Variants in SLC5A11 observed in about 807,000 individuals in gnomAD.
The protein encoded by SLC5A11 is solute carrier family 5 member 11, also known as sodium/myo-inositol cotransporter 2.
SLC5A11 carries 48 observed loss-of-function variants against 69.8 expected under a neutral mutation model. That is an observed-to-expected ratio of 0.69 (90% CI 0.55 to 0.87). The LOEUF (loss-of-function observed/expected upper bound fraction) is 0.87, where lower values mean the gene tolerates loss of function less well. Ranked by LOEUF, SLC5A11 falls within the 40% of genes least tolerant of loss-of-function variation. The pLI, the probability that SLC5A11 is intolerant of heterozygous loss-of-function variation, is 0.00. For synonymous variants in SLC5A11, 319 were observed against 342.4 expected (o/e 0.93, Z 0.75); for missense variants, 784 against 866.1 (o/e 0.91, Z 1.19).
chr16:24,872,075 G>A, intron 4 of SLC5A11, 85 bp from the exon 6 acceptor site: 1 of 1,500,776 alleles, frequency 6.7e-7, no homozygotes, highest in Non-Finnish European at 9.3e-7. Context: ...GTTCAGGCCA[G>A]GCTGCCTCAG....
At chr16:24,895,480 C>T (rs747386734) in intron 9 of SLC5A11, among the ~76,000 whole-genome samples, 1 of 150,252 alleles carries the variant, frequency 6.7e-6, no homozygotes, top group African/African-American at 2.5e-5. Flanking sequence ...CAAAGCAAGA[C>T]TCCATCTCAA....
exon 3 of SLC5A11, chr16:24,862,633 A>G (rs1597025929): frequency 6.2e-7 from 1 of 1,613,714 alleles, no homozygotes; most frequent in Non-Finnish European, 8.5e-7. Flanking sequence ...ACACAGTGAA[A>G]GGCTACTTCC....
At chr16:24,851,386 C>T (rs1394034867) in intron 1 of SLC5A11, among the ~76,000 whole-genome samples, 2 of 151,810 alleles carry the variant, frequency 1.3e-5, no homozygotes, top group South Asian at 2.1e-4. Context: ...ATTAGCCGGA[C>T]GTGGTTGCAA....
intron 1 of SLC5A11, among the ~76,000 whole-genome samples, chr16:24,856,366 G>A (rs2059529362): frequency 6.6e-6 from 1 of 152,056 alleles, no homozygotes; most frequent in East Asian, 1.9e-4. Flanking sequence ...GGCTGGGCTG[G>A]TAATCCCAGC....
intron 3 of SLC5A11, among the ~76,000 whole-genome samples, chr16:24,863,094 ATATATAT>A (rs1389574435): frequency 9.4e-6 from 1 of 106,742 alleles, no homozygotes; most frequent in Non-Finnish European, 2.4e-5. Flanking sequence ...TATATAATAG[ATATATAT>A]TATATATAAT....
chr16:24,877,055 C>G lies in SLC5A11; in HGVS notation c.478-203C>G, dbSNP rs1209922218. 2.9e-6 allele frequency: 4 copies of G among 1,403,244 alleles called. No homozygotes were observed. The African/African-American group carries it at 5.8e-5, about 20-fold the overall frequency. The allele number at this position is 1,403,244 out of a possible 1,614,324, so 86.9% of individuals were successfully genotyped here. A position where few individuals can be genotyped will look rare whatever the true frequency, so the allele number is the denominator to read the frequency against. On this transcript the variant is annotated intron_variant, in intron 6 of 15. Coordinates refer to ENST00000347898, the Ensembl canonical transcript of SLC5A11. ...AGAAGCAGGAAGACCATTGAGGAGG[C>G]TGCTGCATCAGCCCAGGGCCCACAG...
rs370898635 is a variant in SLC5A11 at position 24,911,327 on chromosome 16, G to A, written c.1823-1G>A. 57 of 1,613,734 alleles carry A rather than the reference G, an allele frequency of 3.5e-5. No homozygotes were observed. Among genetic ancestry groups the A allele is most frequent in the Non-Finnish European group, 4.5e-5 (53 of 1,180,036 alleles). On this transcript the variant is annotated splice_acceptor_variant, in intron 15 of 15. Coordinates refer to ENST00000347898, the Ensembl canonical transcript of SLC5A11. LOFTEE classifies it high-confidence loss of function. ...GTCTTCCTTTGCTGGGTTCTTTCTAGGTGACATGACCCCAAAGCAGTCCAA... is the reference window on the plus strand; with the variant it reads ...GTCTTCCTTTGCTGGGTTCTTTCTAAGTGACATGACCCCAAAGCAGTCCAA...
intron 12 of SLC5A11, among the ~76,000 whole-genome samples, chr16:24,907,391 G>A (rs2050149056): frequency 6.6e-6 from 1 of 152,158 alleles, no homozygotes; most frequent in Admixed American, 6.5e-5. Context: ...TGCCTTCATG[G>A]AGCCAGGGAA....
chr16:24,881,232 G>A (rs1355463929), intron 7 of SLC5A11, among the ~76,000 whole-genome samples: 4 of 151,802 alleles, frequency 2.6e-5, no homozygotes, highest in Non-Finnish European at 5.9e-5. Context: ...GTTCTGACTG[G>A]TGTGAGATGA....
chr16:24,873,424 A>T (rs1004936857), intron 5 of SLC5A11, among the ~76,000 whole-genome samples: 1 of 152,096 alleles, frequency 6.6e-6, no homozygotes, highest in African/African-American at 2.4e-5. Flanking sequence ...TGAAGCCAGG[A>T]GTTTGAGACC....
At chr16:24,872,070 G>A in intron 4 of SLC5A11, 90 bp from the exon 6 acceptor site, 1 of 1,480,480 alleles carries the variant, frequency 6.8e-7, no homozygotes, top group Non-Finnish European at 9.4e-7. Flanking sequence ...GTGGAGTTCA[G>A]GCCAGGCTGC....
At chr16:24,856,383 G>C (rs2059530161) in intron 1 of SLC5A11, among the ~76,000 whole-genome samples, 2 of 152,160 alleles carry the variant, frequency 1.3e-5, no homozygotes, top group South Asian at 4.1e-4. Context: ...CAGCACTTTG[G>C]GAGGCCAAGG....
At chr16:24,850,843 C>T (rs372478680) in intron 1 of SLC5A11, among the ~76,000 whole-genome samples, 1 of 151,748 alleles carries the variant, frequency 6.6e-6, no homozygotes, top group Non-Finnish European at 1.5e-5. Flanking sequence ...CAGAGTCTTG[C>T]TCTGTCACCC....
chr16:24,876,894 A>C (rs1007152322), intron 6 of SLC5A11: 2 of 166,534 alleles, frequency 1.2e-5, no homozygotes, highest in African/African-American at 4.8e-5. Context: ...ATTTAGCCTC[A>C]TTTATTTAGC....
At chr16:24,876,960 G>T in intron 6 of SLC5A11, 1 of 598,388 alleles carries the variant, frequency 1.7e-6, no homozygotes, top group East Asian at 6.0e-5. Flanking sequence ...GGAGGAGAAG[G>T]GTGATGTGAT....
At chr16:24,861,823 AATT>A (rs111971320) in intron 2 of SLC5A11, among the ~76,000 whole-genome samples, 11,219 of 151,678 alleles carry the variant, frequency 0.074, 840 homozygotes, top group East Asian at 0.26. Flanking sequence ...AGAAAGAAAA[AATT>A]AATCACCAAT....
chr16:24,881,947 T>A (rs2048074985), intron 7 of SLC5A11, among the ~76,000 whole-genome samples: 1 of 152,158 alleles, frequency 6.6e-6, no homozygotes, highest in Admixed American at 6.5e-5. Context: ...TATTGGATGC[T>A]CTAAACAGAA....
chr16:24,855,842 C>T (rs1214975138), intron 1 of SLC5A11, among the ~76,000 whole-genome samples: 1 of 152,158 alleles, frequency 6.6e-6, no homozygotes, highest in African/African-American at 2.4e-5. Context: ...TTCTCCAGAA[C>T]TGTGAGCAAT....
At chr16:24,875,338 C>T (rs8051408) in intron 5 of SLC5A11, among the ~76,000 whole-genome samples, 46,897 of 151,934 alleles carry the variant, frequency 0.31, 7,621 homozygotes, top group East Asian at 0.4. Context: ...GCGCCTGTCA[C>T]CACGCATGAC....
Sources: gnomAD v4.1 joint callset for allele counts (sites outside exome capture counted in the v4.1 genomes callset) on GRCh38, gnomAD v4.1.1 for gene constraint, MANE v1.5 for transcripts, NCBI Gene and HGNC (gene_info 2026-07-23, HGNC 2026-07-21) for gene names.